Variants in MYZAP observed in about 807,000 individuals in gnomAD.
MYZAP encodes GRINL1A complex locus upstream.
MYZAP carries 66 observed loss-of-function variants against 69.4 expected under a neutral mutation model. The observed-to-expected ratio is 0.95, with a 90% CI of 0.78 to 1.17. The LOEUF (loss-of-function observed/expected upper bound fraction) is 1.17, where lower values mean the gene tolerates loss of function less well. Among genes scored for constraint, MYZAP ranks in the 50% most tolerant of loss-of-function variants. The probability of loss-of-function intolerance (pLI) is 0.00; values close to 1 mark genes in which losing one functional copy is unlikely to be tolerated. For missense variants in MYZAP, 611 were observed against 556.2 expected (o/e 1.10, Z -0.99); for synonymous variants, 256 against 205.9 (o/e 1.24, Z -2.09).
chr15:57,615,868 T>C (rs2035403499), intron 2 of MYZAP, among the ~76,000 whole-genome samples: 1 of 152,152 alleles, frequency 6.6e-6, no homozygotes, highest in Admixed American at 6.5e-5. Context: ...GCTTCTTGCA[T>C]CCCATCTCTT....
At chr15:57,681,328 C>T (rs1298048031) in intron 12 of MYZAP, among the ~76,000 whole-genome samples, 2 of 152,232 alleles carry the variant, frequency 1.3e-5, no homozygotes, top group Non-Finnish European at 2.9e-5. Flanking sequence ...CTTGAAACTC[C>T]TCCAACCTTT....
At chr15:57,633,570 G>T in intron 7 of MYZAP, 43 bp from the exon 8 acceptor site, 1 of 1,573,972 alleles carries the variant, frequency 6.4e-7, no homozygotes, top group Non-Finnish European at 8.6e-7. Flanking sequence ...GAGTAGCCTC[G>T]GTACTCCATG....
chr15:57,628,228 A>G (rs1163670599), intron 5 of MYZAP, among the ~76,000 whole-genome samples: 13 of 152,194 alleles, frequency 8.5e-5, no homozygotes, highest in Non-Finnish European at 8.8e-5. Flanking sequence ...TTAACCAAGT[A>G]GAAACCAAAG....
chr15:57,597,557 C>T (rs2034142368), intron 1 of MYZAP, among the ~76,000 whole-genome samples: 1 of 152,168 alleles, frequency 6.6e-6, no homozygotes, highest in African/African-American at 2.4e-5. Flanking sequence ...CTCCAAGTCA[C>T]ACTGGCATCT....
At chr15:57,654,720 C>T (rs764526258) in intron 10 of MYZAP, among the ~76,000 whole-genome samples, 2 of 152,172 alleles carry the variant, frequency 1.3e-5, no homozygotes, top group African/African-American at 4.8e-5. Context: ...CTGTGTCCTA[C>T]ATGTTACTAA....
chr15:57,654,002 CAAAAAAAAAAAAAAA>C (rs398043344), intron 10 of MYZAP, among the ~76,000 whole-genome samples: 10 of 36,094 alleles, frequency 2.8e-4, no homozygotes, highest in African/African-American at 1.3e-3. Context: ...CAAACGCTGT[CAAAAAAAAAAAAAAA>C]AAAAAAAAAA....
At chr15:57,646,130 T>C (rs778014909) in intron 10 of MYZAP, 227 of 1,288,834 alleles carry the variant, frequency 1.8e-4, no homozygotes, top group Non-Finnish European at 2.2e-4. Flanking sequence ...AATTGAACTG[T>C]CTCCAGATCA....
intron 11 of MYZAP, among the ~76,000 whole-genome samples, chr15:57,669,877 T>G (rs1282972786): frequency 6.6e-6 from 1 of 152,126 alleles, no homozygotes. Context: ...TAATTTCCCT[T>G]GAGATTTTTC....
intron 10 of MYZAP, among the ~76,000 whole-genome samples, chr15:57,643,969 G>T (rs1317350513): frequency 1.3e-5 from 2 of 152,208 alleles, no homozygotes; most frequent in Non-Finnish European, 2.9e-5. Context: ...TGTTTAATAA[G>T]TGCAAAGGTG....
intron 11 of MYZAP, among the ~76,000 whole-genome samples, chr15:57,670,060 A>G (rs2038794275): frequency 6.6e-6 from 1 of 152,236 alleles, no homozygotes; most frequent in Middle Eastern, 3.4e-3. Context: ...GTTTCAATTA[A>G]ATTTTTGTGA....
Position 57,629,732 on chromosome 15 carries a change from A to G in MYZAP, c.556A>G (p.Ser186Gly). Reference sequence around the variant, plus strand: ...CCTCGTGGATGTGACTTTGGAAAACAGCAACATTAAGGATCAAATCAGAAA... The same window carrying G: ...CCTCGTGGATGTGACTTTGGAAAACGGCAACATTAAGGATCAAATCAGAAA... ...KTLVDVTLENSNIKDQIRNLQ... is the reference protein window; with the variant it reads ...KTLVDVTLENGNIKDQIRNLQ... Residue 186 changes from serine to glycine, a missense_variant, in exon 6 of 13, where the codon AGC becomes GGC. By Grantham distance (56) the Ser-to-Gly change is moderately conservative. Coordinates refer to ENST00000267853, the MANE Select transcript of MYZAP (RefSeq NM_001018100.5). 2 of 1,610,828 alleles carry G rather than the reference A, an allele frequency of 1.2e-6. No individual in the cohort carries two copies. The highest frequency in any genetic ancestry group is 1.7e-6 in the Non-Finnish European group (2 of 1,179,342).
intron 4 of MYZAP, among the ~76,000 whole-genome samples, chr15:57,623,811 A>G (rs1270638549): frequency 1.3e-5 from 2 of 152,086 alleles, no homozygotes; most frequent in African/African-American, 2.4e-5. Flanking sequence ...TTAAAAAAAA[A>G]AAAAAGAAAA....
At chr15:57,611,760 A>G (rs2035118632) in intron 2 of MYZAP, among the ~76,000 whole-genome samples, 1 of 152,126 alleles carries the variant, frequency 6.6e-6, no homozygotes, top group African/African-American at 2.4e-5. Flanking sequence ...ACAGGGTCTC[A>G]CTATGTCATC....
At chr15:57,669,909 A>G (rs2038787699) in intron 11 of MYZAP, among the ~76,000 whole-genome samples, 2 of 152,100 alleles carry the variant, frequency 1.3e-5, no homozygotes, top group South Asian at 4.1e-4. Flanking sequence ...GATTATTTAG[A>G]GGCAGGTTAT....
intron 11 of MYZAP, among the ~76,000 whole-genome samples, chr15:57,670,538 T>C (rs1220611837): frequency 6.6e-6 from 1 of 152,100 alleles, no homozygotes; most frequent in Non-Finnish European, 1.5e-5. Flanking sequence ...TACATAGTTA[T>C]AGTCTCTGCC....
chr15:57,593,214 A>ACACACACACACACACC (rs1172761785), intron 1 of MYZAP, among the ~76,000 whole-genome samples: 1,794 of 141,390 alleles, frequency 0.013, 19 homozygotes, highest in South Asian at 0.023. Flanking sequence ...ACACACACAC[A>ACACACACACACACACC]CCCCAGAATC....
At chr15:57,650,247 A>G (rs1031018998) in intron 10 of MYZAP, among the ~76,000 whole-genome samples, 2 of 152,152 alleles carry the variant, frequency 1.3e-5, no homozygotes, top group African/African-American at 4.8e-5. Flanking sequence ...CCTCTGCTGA[A>G]GACTGAAGGA....
At chr15:57,672,744 CCT>C (rs2038927349) in intron 11 of MYZAP, among the ~76,000 whole-genome samples, 1 of 152,186 alleles carries the variant, frequency 6.6e-6, no homozygotes, top group Admixed American at 6.5e-5. Context: ...CAATAAGGTG[CCT>C]TTTCTCAACC....
chr15:57,676,410 GTATATATATGTGTATATATATATA>G (rs1222102328), intron 12 of MYZAP, among the ~76,000 whole-genome samples: 340 of 25,614 alleles, frequency 0.013, 4 homozygotes, highest in African/African-American at 0.022. Context: ...ATATATATAT[GTATATATATGTGTATATATATATA>G]TGTATATATA....
Sources: allele counts gnomAD v4.1 joint callset (sites outside exome capture counted in the v4.1 genomes callset), GRCh38; gene constraint gnomAD v4.1.1; transcripts MANE v1.5; gene names NCBI Gene and HGNC (gene_info 2026-07-23, HGNC 2026-07-21).